Variants in ITGA8 observed in about 807,000 individuals in gnomAD.
ITGA8 encodes the protein integrin alpha-8.
Under a neutral mutation model 142.3 loss-of-function variants are expected in ITGA8, and 91 were observed. The observed-to-expected ratio is 0.64, with a 90% confidence interval of 0.54 to 0.76. ITGA8 has a LOEUF of 0.76. Among genes scored for constraint, ITGA8 ranks in the 30% least tolerant of loss-of-function variants. The probability of loss-of-function intolerance (pLI) is 0.00; values close to 1 mark genes in which losing one functional copy is unlikely to be tolerated. For synonymous variants in ITGA8, 505 were observed against 485.2 expected, an observed-to-expected ratio of 1.04 and a Z score of -0.54; for missense variants, 1,406 against 1,327.7, an observed-to-expected ratio of 1.06 and a Z score of -0.92.
chr10:15,673,673 A>G (rs576018790), intron 6 of ITGA8, among the ~76,000 whole-genome samples: 15 of 152,250 alleles, frequency 9.9e-5, no homozygotes, highest in Non-Finnish European at 1.9e-4. Context: ...AAGGAATTGT[A>G]AACTCTTTGA....
At chr10:15,535,663 A>G (rs1172063959) in intron 27 of ITGA8, among the ~76,000 whole-genome samples, 1 of 152,098 alleles carries the variant, frequency 6.6e-6, no homozygotes, top group Non-Finnish European at 1.5e-5. Context: ...TTGTAAACGC[A>G]CCAATCAGCA....
chr10:15,677,475 C>A, intron 6 of ITGA8, 117 bp downstream of exon 6: 1 of 758,024 alleles, frequency 1.3e-6, no homozygotes, highest in Non-Finnish European at 2.1e-6. Context: ...ATTTGAGAAA[C>A]TATGAATAAG....
chr10:15,529,675 A>G lies in ITGA8; in HGVS notation c.2982+1375T>C, dbSNP rs1442715584. 2.6e-5 allele frequency among the ~76,000 whole-genome samples: 4 copies of G among 152,220 alleles called. No individual in the cohort carries two copies. In the East Asian group the frequency reaches 7.7e-4, roughly 29 times the overall value. ...GATGATTCTGATGCATACTCAGGGT[A>G]GAGAAACACAAATCAAGTGGTTAAT... On this transcript the variant is annotated intron_variant, in intron 28 of 29. Coordinates refer to ENST00000378076, the MANE Select transcript of ITGA8 (RefSeq NM_003638.3).
At chr10:15,586,977 C>A (rs9333178) in intron 22 of ITGA8, among the ~76,000 whole-genome samples, 5,539 of 150,654 alleles carry the variant, frequency 0.037, 356 homozygotes, top group African/African-American at 0.13. Flanking sequence ...GGCTGGAGTA[C>A]AGTAGCCCAA....
intron 12 of ITGA8, among the ~76,000 whole-genome samples, chr10:15,645,315 C>T (rs1342186057): frequency 2.0e-5 from 3 of 152,008 alleles, no homozygotes; most frequent in African/African-American, 7.2e-5. Flanking sequence ...GAAGCTAGGA[C>T]CTCCCTTTAT....
intron 2 of ITGA8, among the ~76,000 whole-genome samples, chr10:15,711,038 A>G (rs1835354490): frequency 1.3e-5 from 2 of 152,180 alleles, no homozygotes; most frequent in African/African-American, 4.8e-5. Context: ...GTGCCATTAT[A>G]CTAATTTTGA....
chr10:15,556,522 C>T lies in ITGA8; in HGVS notation c.2766+1552G>A, dbSNP rs781254938. On this transcript the variant is annotated intron_variant, in intron 26 of 29. Coordinates refer to ENST00000378076, the MANE Select transcript of ITGA8 (RefSeq NM_003638.3). ...TCCCAGCCTGTCCCTGCCCCAAGCA[C>T]GGAATGTTTGTTTTCTTGCTTTATC... Among the ~76,000 whole-genome samples, 8 of 152,052 alleles carry T rather than the reference C, an allele frequency of 5.3e-5. No homozygotes were observed. The East Asian group carries it at 1.2e-3, about 22-fold the overall frequency.
At chr10:15,590,364 C>A (rs933989385) in intron 22 of ITGA8, among the ~76,000 whole-genome samples, 1 of 152,208 alleles carries the variant, frequency 6.6e-6, no homozygotes, top group Non-Finnish European at 1.5e-5. Context: ...TACCTTGTGT[C>A]TTTTGCTTCT....
At chr10:15,622,608 A>AAAC (rs371112823) in intron 13 of ITGA8, among the ~76,000 whole-genome samples, 30,735 of 151,340 alleles carry the variant, frequency 0.2, 3,789 homozygotes, top group East Asian at 0.31. Context: ...AAAACAAAAA[A>AAAC]AAAACCACAT....
At chr10:15,677,393 C>T (rs1401845009) in intron 6 of ITGA8, among the ~76,000 whole-genome samples, 199 bp downstream of exon 6, 1 of 151,992 alleles carries the variant, frequency 6.6e-6, no homozygotes, top group Non-Finnish European at 1.5e-5. Context: ...ATCACATGTA[C>T]CCCATAAATA....
At chr10:15,608,407 AC>A in intron 15 of ITGA8, 117 bp from the exon 16 acceptor site, 1 of 558,270 alleles carries the variant, frequency 1.8e-6, no homozygotes. Context: ...CTAATTACAC[AC>A]ACACACACAC....
chr10:15,544,721 G>A (rs1833637185), intron 27 of ITGA8, among the ~76,000 whole-genome samples: 1 of 152,164 alleles, frequency 6.6e-6, no homozygotes, highest in African/African-American at 2.4e-5. Context: ...CCCTTGTGTG[G>A]GTGCCTCGCC....
intron 28 of ITGA8, among the ~76,000 whole-genome samples, chr10:15,520,740 G>A (rs139816451): frequency 3.9e-5 from 6 of 152,188 alleles, no homozygotes; most frequent in Admixed American, 1.3e-4. Flanking sequence ...GTAGTATTCC[G>A]GTTTTATCAG....
intron 8 of ITGA8, among the ~76,000 whole-genome samples, chr10:15,667,230 T>G (rs576295018): frequency 2.0e-5 from 3 of 152,236 alleles, no homozygotes; most frequent in Admixed American, 6.5e-5. Context: ...TTCAACTTCT[T>G]TCTGGTTTAG....
intron 23 of ITGA8, among the ~76,000 whole-genome samples, chr10:15,584,295 G>GA (rs58613492): frequency 0.3 from 44,028 of 147,740 alleles, 7,314 homozygotes; most frequent in Non-Finnish European, 0.38. Flanking sequence ...AGACTGTCAA[G>GA]AAAAAGAAAA....
rs527252101 is a variant in ITGA8 at position 15,538,980 on chromosome 10, A to G, written c.2881-7829T>C. On this transcript the variant is annotated intron_variant, in intron 27 of 29. Transcript: ENST00000378076. ...TTTTTTTTTTTTTTTTTTTTTTTTT[A>G]ACGTTTCCTTAGAAGACAAGGGAAT... Among the ~76,000 whole-genome samples, 508 of 106,308 alleles carry G rather than the reference A, an allele frequency of 4.8e-3. 5 individuals are homozygous for G. Among genetic ancestry groups the G allele is most frequent in the African/African-American group, 0.016 (484 of 30,830 alleles). 69.7% of individuals were successfully genotyped at this position (106,308 alleles called of 152,430 possible).
intron 1 of ITGA8, 131 bp from the exon 2 acceptor site, chr10:15,719,030 C>T (rs914806138): frequency 1.5e-6 from 2 of 1,347,464 alleles, no homozygotes. Context: ...ATGATGAGGA[C>T]CGACTGTCAA....
At position 15,719,580 on chromosome 10, in the gene ITGA8, G is replaced by A. The variant is rs1835521111; in HGVS notation, c.192C>T (p.His64=). 1.3e-6 allele frequency: 2 copies of A among 1,564,150 alleles called. No homozygotes were observed. The highest frequency in any genetic ancestry group is 1.2e-5 in the South Asian group (1 of 84,674). ...CGACTTACGTGCGGGCGTCGGGTAT[G>A]TGGAAGTCCACGGCGTAGCCGAAGT... ...GSYFGYAVDF[H]IPDARTASVL... Residue 64 remains histidine (H), a synonymous_variant, in exon 1 of 30, where the codon CAC becomes CAT. Transcript: ENST00000378076.
chr10:15,608,417 A>T, intron 15 of ITGA8, 127 bp from the exon 16 acceptor site: 1 of 571,354 alleles, frequency 1.8e-6, no homozygotes, highest in South Asian at 2.3e-5. Flanking sequence ...ACACACACAC[A>T]CACACACCCA....
Sources: gnomAD v4.1 joint callset for allele counts (sites outside exome capture counted in the v4.1 genomes callset) on GRCh38, gnomAD v4.1.1 for gene constraint, MANE v1.5 for transcripts, NCBI Gene and HGNC (gene_info 2026-07-23, HGNC 2026-07-21) for gene names.